The following CNTN1 variants were observed in gnomAD, a reference collection of about 807,000 sequenced individuals.
The protein encoded by CNTN1 is contactin-1.
CNTN1 carries 38 observed loss-of-function variants against 126.4 expected under a neutral mutation model. The observed-to-expected ratio is 0.30, with a 90% CI of 0.23 to 0.39. CNTN1 has a LOEUF of 0.39. Ranked by LOEUF, CNTN1 falls within the 10% of genes least tolerant of loss-of-function variation. CNTN1 has a pLI of 1.00. For synonymous variants in CNTN1, 413 were observed against 422.6 expected (o/e 0.98, Z 0.28); for missense variants, 1,009 against 1,248.4 (o/e 0.81, Z 2.89).
chr12:40,798,292 C>T (rs1940521059), intron 1 of CNTN1, among the ~76,000 whole-genome samples: 2 of 152,008 alleles, frequency 1.3e-5, no homozygotes, highest in South Asian at 4.1e-4. Flanking sequence ...TTGTGTGACA[C>T]AGCCCCAGAG....
chr12:40,942,289 G>A (rs970247786), intron 12 of CNTN1, among the ~76,000 whole-genome samples: 1 of 152,056 alleles, frequency 6.6e-6, no homozygotes, highest in Admixed American at 6.6e-5. Flanking sequence ...TAATGGCAAT[G>A]CATGGGAGGG....
At chr12:40,862,378 G>A (rs1943144274) in intron 1 of CNTN1, among the ~76,000 whole-genome samples, 1 of 152,126 alleles carries the variant, frequency 6.6e-6, no homozygotes, top group African/African-American at 2.4e-5. Flanking sequence ...CCAGTCTACT[G>A]CCTTTCACAT....
intron 14 of CNTN1, among the ~76,000 whole-genome samples, chr12:40,949,921 TG>T (rs1169396257): frequency 6.6e-6 from 1 of 151,164 alleles, no homozygotes; most frequent in African/African-American, 2.4e-5. Flanking sequence ...CAGAATTATG[TG>T]GGAGAAAACG....
At chr12:41,019,038 CT>C (rs1205479448) in intron 19 of CNTN1, among the ~76,000 whole-genome samples, 2 of 152,130 alleles carry the variant, frequency 1.3e-5, no homozygotes, top group Non-Finnish European at 2.9e-5. Flanking sequence ...AGCCTGTAAT[CT>C]CAGCTACTCA....
intron 20 of CNTN1, among the ~76,000 whole-genome samples, chr12:41,022,262 A>C (rs908301442): frequency 2.0e-5 from 3 of 152,204 alleles, no homozygotes; most frequent in Admixed American, 2.0e-4. Flanking sequence ...TAGTCAGTAA[A>C]AAGTAATCTT....
chr12:40,887,541 T>C (rs945296961), intron 1 of CNTN1, among the ~76,000 whole-genome samples: 10 of 151,916 alleles, frequency 6.6e-5, no homozygotes, highest in African/African-American at 9.7e-5. Flanking sequence ...TGTGGAGAAA[T>C]AGGAACACTT....
At position 40,875,643 on chromosome 12, in the gene CNTN1, T is replaced by G. The variant is rs945193797; in HGVS notation, c.-76-32714T>G. On this transcript the variant is annotated intron_variant, in intron 1 of 23. Transcript: ENST00000551295. ...CCCTTTTGGGATTGACCTTTTTTAA[T>G]CTATCAAAATTCTCTGCAGATTCAT... 3.3e-5 allele frequency among the ~76,000 whole-genome samples: 5 copies of G among 152,142 alleles called. No individual in the cohort carries two copies. The South Asian group carries it at 1.0e-3, about 32-fold the overall frequency.
chr12:40,800,461 GA>G (rs1940603257), intron 1 of CNTN1, among the ~76,000 whole-genome samples: 1 of 151,848 alleles, frequency 6.6e-6, no homozygotes, highest in Admixed American at 6.6e-5. Context: ...AAGTTAGGAG[GA>G]AAAAGTGCTC....
At chr12:40,777,568 A>G (rs1462186874) in intron 1 of CNTN1, among the ~76,000 whole-genome samples, 1 of 151,836 alleles carries the variant, frequency 6.6e-6, no homozygotes, top group East Asian at 1.9e-4. Context: ...TGTAATATAC[A>G]TCCTTCTTTT....
At chr12:40,853,599 T>C (rs1259999450) in intron 1 of CNTN1, among the ~76,000 whole-genome samples, 2 of 152,060 alleles carry the variant, frequency 1.3e-5, no homozygotes, top group African/African-American at 4.8e-5. Flanking sequence ...TGTAAGACAC[T>C]GTGATAAACA....
Position 40,929,922 on chromosome 12 carries a change from A to G in CNTN1, c.623A>G (p.Asn208Ser), listed in dbSNP as rs777748960. ...AATGTTGAGGCTTCCGACAAAGGCA[A>G]TTATTCCTGCTTTGTTTCCAGTCCT... is the stretch of plus-strand genomic sequence containing the variant. ...IANVEASDKG[N>S]YSCFVSSPSI... The change falls in exon 7 of 24, where the codon AAT (asparagine) becomes AGT (serine). Residue 208 changes from asparagine (N) to serine (S), a missense_variant. Asn to Ser is a conservative substitution (Grantham distance 46). Coordinates refer to ENST00000551295, the MANE Select transcript of CNTN1 (RefSeq NM_001843.4). The G allele has an allele frequency of 6.2e-7, 1 of 1,612,912 alleles. No individual in the cohort carries two copies. The highest frequency in any genetic ancestry group is 8.5e-7 in the Non-Finnish European group (1 of 1,179,126).
At chr12:41,066,929 G>A (rs909277547) in intron 23 of CNTN1, among the ~76,000 whole-genome samples, 2 of 152,082 alleles carry the variant, frequency 1.3e-5, no homozygotes, top group Admixed American at 1.3e-4. Flanking sequence ...TTATTCACAA[G>A]ATCAATGATT....
intron 1 of CNTN1, among the ~76,000 whole-genome samples, chr12:40,886,926 T>C (rs1944055328): frequency 6.6e-6 from 1 of 152,204 alleles, no homozygotes; most frequent in Non-Finnish European, 1.5e-5. Flanking sequence ...CATTGATCTA[T>C]ATCTCTGTTT....
At chr12:40,925,821 T>C (rs1482103122) in intron 6 of CNTN1, among the ~76,000 whole-genome samples, 2 of 103,108 alleles carry the variant, frequency 1.9e-5, no homozygotes, top group Non-Finnish European at 3.6e-5. Context: ...TATATATATA[T>C]ATATATATGT....
At chr12:40,830,244 G>A (rs1460280350) in intron 1 of CNTN1, among the ~76,000 whole-genome samples, 2 of 152,048 alleles carry the variant, frequency 1.3e-5, no homozygotes, top group East Asian at 3.9e-4. Flanking sequence ...GCTTCCCACG[G>A]TGGTTATAAT....
chr12:41,061,080 A>C (rs1949929098), intron 23 of CNTN1, among the ~76,000 whole-genome samples: 1 of 152,188 alleles, frequency 6.6e-6, no homozygotes, highest in African/African-American at 2.4e-5. Context: ...ATGCAGATAG[A>C]ATTGTCTCAC....
At position 40,954,162 on chromosome 12, in the gene CNTN1, T is replaced by A. The variant is rs563242308; in HGVS notation, c.1684-4952T>A. Among the ~76,000 whole-genome samples, 10 of 152,160 alleles carry A rather than the reference T, an allele frequency of 6.6e-5. No homozygotes were observed. In the South Asian group the frequency reaches 2.1e-3, roughly 32 times the overall value. On this transcript the variant is annotated intron_variant, in intron 14 of 23. Transcript: ENST00000551295. ...ATTTAATGAATAAATACCAAAAAAG[T>A]GCTTTTTACTTGTATGCAGACATTA...
At chr12:40,883,212 C>G (rs1029940900) in intron 1 of CNTN1, among the ~76,000 whole-genome samples, 1 of 151,552 alleles carries the variant, frequency 6.6e-6, no homozygotes, top group Admixed American at 6.6e-5. Flanking sequence ...TGAGAATGAT[C>G]TAATTCAAGC....
chr12:40,978,782 G>A (rs895626316), intron 15 of CNTN1: 1 of 152,090 alleles, frequency 6.6e-6, no homozygotes, highest in Non-Finnish European at 1.5e-5. Flanking sequence ...GCAGGGAAAT[G>A]ATTTACATTT....
Sources: allele counts gnomAD v4.1 joint callset (sites outside exome capture counted in the v4.1 genomes callset), GRCh38; gene constraint gnomAD v4.1.1; transcripts MANE v1.5; gene names NCBI Gene and HGNC (gene_info 2026-07-23, HGNC 2026-07-21).